The following DHX9 variants were observed in gnomAD, a reference collection of about 807,000 sequenced individuals.
DHX9 encodes DExH-box helicase 9.
A neutral mutation model predicts 148.7 loss-of-function variants in DHX9; 27 were observed. The observed-to-expected ratio is 0.18, with a 90% CI of 0.13 to 0.25. The LOEUF is 0.25. DHX9 is among the 10% of genes least tolerant of loss of function. The pLI, the probability that DHX9 is intolerant of heterozygous loss-of-function variation, is 1.00. For missense variants in DHX9, 796 were observed against 1,559.6 expected, an observed-to-expected ratio of 0.51 and a Z score of 8.25; for synonymous variants, 529 against 516.6, an observed-to-expected ratio of 1.02 and a Z score of -0.33.
At chr1:182,845,858 G>A (rs976395221) in intron 3 of DHX9, among the ~76,000 whole-genome samples, 3 of 152,160 alleles carry the variant, frequency 2.0e-5, no homozygotes, top group African/African-American at 4.8e-5. Flanking sequence ...AAGATATGGC[G>A]GAGGCAGCAG....
intron 11 of DHX9, among the ~76,000 whole-genome samples, chr1:182,859,704 C>G (rs985537593): frequency 1.3e-5 from 2 of 152,146 alleles, no homozygotes; most frequent in African/African-American, 4.8e-5. Flanking sequence ...CCTCCGCCTC[C>G]TTGGTTCAAG....
At chr1:182,880,909 G>A (rs186860124) in intron 22 of DHX9, among the ~76,000 whole-genome samples, 1 of 152,264 alleles carries the variant, frequency 6.6e-6, no homozygotes, top group African/African-American at 2.4e-5. Flanking sequence ...AGGGTGGGAG[G>A]GTCCCTTGTT....
At chr1:182,863,061 C>T (rs777662694) in intron 12 of DHX9, among the ~76,000 whole-genome samples, 1 of 152,200 alleles carries the variant, frequency 6.6e-6, no homozygotes, top group Non-Finnish European at 1.5e-5. Context: ...ATTAAAAGCA[C>T]ATATCTGGAG....
chr1:182,866,353 G>C (rs1648297348), intron 12 of DHX9, 91 bp from the exon 13 acceptor site: 1 of 1,332,996 alleles, frequency 7.5e-7, no homozygotes. Flanking sequence ...CTAGCAGTAG[G>C]ACAGATTTAC....
At position 182,854,017 on chromosome 1, in the gene DHX9, A is replaced by G. The variant is rs770077221; in HGVS notation, c.478-13A>G. On this transcript the variant is annotated splice_polypyrimidine_tract_variant and intron_variant, in intron 5 of 27. Coordinates refer to ENST00000367549, the MANE Select transcript of DHX9 (RefSeq NM_001357.5). ...CTTAACACAGCCAAATTTAATTATC[A>G]TTGATTCTACAGACTCTAGAATCAG... The G allele has an allele frequency of 1.2e-6, 2 of 1,605,522 alleles. No homozygotes were observed. The highest frequency in any genetic ancestry group is 1.7e-6 in the Non-Finnish European group (2 of 1,178,130).
intron 26 of DHX9, among the ~76,000 whole-genome samples, chr1:182,884,042 G>A (rs1380549547): frequency 6.6e-6 from 1 of 152,156 alleles, no homozygotes; most frequent in Non-Finnish European, 1.5e-5. Flanking sequence ...CTGGCTGGGT[G>A]CGGCACATCA....
intron 4 of DHX9, 106 bp downstream of exon 4, chr1:182,852,450 A>G (rs7417146): frequency 0.02 from 13,996 of 706,636 alleles, 510 homozygotes; most frequent in African/African-American, 0.11. Flanking sequence ...TAAACTCTTG[A>G]TGTTAAGAGA....
chr1:182,853,262 T>C, intron 4 of DHX9, 44 bp from the exon 5 acceptor site: 1 of 1,357,372 alleles, frequency 7.4e-7, no homozygotes, highest in Non-Finnish European at 1.0e-6. Context: ...TTAGGATTTT[T>C]CTACAGTTAT....
At chr1:182,870,643 A>G (rs1397816839) in intron 14 of DHX9, among the ~76,000 whole-genome samples, 2 of 152,232 alleles carry the variant, frequency 1.3e-5, no homozygotes, top group Non-Finnish European at 2.9e-5. Flanking sequence ...ACAAAAATCA[A>G]TTCCATATAG....
intron 4 of DHX9, 66 bp downstream of exon 4, chr1:182,852,410 G>C (rs1668170754): frequency 1.7e-6 from 2 of 1,174,936 alleles, no homozygotes; most frequent in Admixed American, 5.2e-5. Context: ...CACCATCTCT[G>C]TTTCTCGTTT....
intron 16 of DHX9, 132 bp from the exon 17 acceptor site, chr1:182,875,918 C>G (rs549579017): frequency 1.4e-6 from 1 of 705,608 alleles, no homozygotes; most frequent in Non-Finnish European, 2.4e-6. Context: ...CTTCTGTATT[C>G]TATAGTGTGT....
chr1:182,887,401 C>T lies in DHX9; in HGVS notation c.3780C>T (p.Tyr1260=). ...GGGRGAYGTG[Y]FGQGRGGGGY is the part of the protein sequence containing the mutation. ...GTAGGGGGGCCTATGGAACTGGCTA[C>T]TTTGGACAGGGAAGAGGAGGTGGCG... The change falls in exon 28 of 28, where the codon TAC becomes TAT. Residue 1260 remains tyrosine (Y), a synonymous_variant. Transcript: ENST00000367549. 1.2e-6 allele frequency: 2 copies of T among 1,613,784 alleles called. No individual in the cohort carries two copies. Among genetic ancestry groups the T allele is most frequent in the Non-Finnish European group, 1.7e-6 (2 of 1,179,954 alleles).
intron 3 of DHX9, among the ~76,000 whole-genome samples, chr1:182,848,639 A>G (rs1668074671): frequency 6.6e-6 from 1 of 152,322 alleles, no homozygotes; most frequent in South Asian, 2.1e-4. Context: ...ACCCATTTCT[A>G]CTTTTAACCC....
chr1:182,887,040 A>G (rs771123898), intron 27 of DHX9, 43 bp from the exon 28 acceptor site: 6 of 1,568,802 alleles, frequency 3.8e-6, no homozygotes, highest in Non-Finnish European at 5.2e-6. Flanking sequence ...TTGGGAAATA[A>G]TAAGAATGCT....
chr1:182,864,751 C>G (rs1460281852), intron 12 of DHX9, among the ~76,000 whole-genome samples: 1 of 151,988 alleles, frequency 6.6e-6, no homozygotes, highest in African/African-American at 2.4e-5. Context: ...AGAAATTCAG[C>G]AAAAAAGTGC....
intron 22 of DHX9, among the ~76,000 whole-genome samples, chr1:182,880,917 G>C (rs373471571): frequency 1.3e-5 from 2 of 152,164 alleles, no homozygotes; most frequent in South Asian, 2.1e-4. Context: ...AGGGTCCCTT[G>C]TTATTAATAG....
chr1:182,880,656 A>C (rs1233948920), intron 22 of DHX9, 48 bp downstream of exon 22: 1 of 1,266,274 alleles, frequency 7.9e-7, no homozygotes. Context: ...GAATAATTTC[A>C]GAATCTTCTC....
At chr1:182,842,716 G>T (rs1460166635) in intron 2 of DHX9, 39 bp downstream of exon 2, 5 of 1,503,280 alleles carry the variant, frequency 3.3e-6, no homozygotes, top group Non-Finnish European at 4.6e-6. Context: ...TGATTTATGA[G>T]GTTCATTTTG....
chr1:182,848,770 AT>A (rs1179461464), intron 3 of DHX9, among the ~76,000 whole-genome samples: 1 of 152,214 alleles, frequency 6.6e-6, no homozygotes, highest in Non-Finnish European at 1.5e-5. Context: ...TGGTACTGGA[AT>A]CTGCTTGACT....
Sources: gnomAD v4.1 joint callset for allele counts (sites outside exome capture counted in the v4.1 genomes callset) on GRCh38, gnomAD v4.1.1 for gene constraint, MANE v1.5 for transcripts, NCBI Gene and HGNC (gene_info 2026-07-23, HGNC 2026-07-21) for gene names.